MTUS2: variants seen among roughly 807,000 people sequenced by gnomAD.
MTUS2 encodes microtubule associated scaffold protein 2, also known as microtubule-associated tumor suppressor candidate 2.
A neutral mutation model predicts 114.1 loss-of-function variants in MTUS2; 40 were observed. The ratio of observed to expected loss-of-function variants is 0.35; its 90% confidence interval spans 0.27 to 0.46. The LOEUF is 0.46. MTUS2 is among the 20% of genes least tolerant of loss of function. The pLI, the probability that MTUS2 is intolerant of heterozygous loss-of-function variation, is 1.00. For missense variants in MTUS2, 1,679 were observed against 1,705.4 expected (o/e 0.98, Z 0.27); for synonymous variants, 688 against 672.0 (o/e 1.02, Z -0.37).
chr13:29,464,191 T>C (rs554822866), intron 9 of MTUS2, among the ~76,000 whole-genome samples: 1 of 152,142 alleles, frequency 6.6e-6, no homozygotes, highest in East Asian at 1.9e-4. Context: ...AGAGGACGGC[T>C]GTGAGCAGGT....
chr13:28,938,568 T>C (rs1471464907), intron 2 of MTUS2, among the ~76,000 whole-genome samples: 4 of 152,102 alleles, frequency 2.6e-5, no homozygotes, highest in Non-Finnish European at 1.5e-5. Flanking sequence ...AGGAAACATT[T>C]TATATTAAAA....
intron 4 of MTUS2, among the ~76,000 whole-genome samples, chr13:29,086,571 T>A (rs1232355416): frequency 6.6e-6 from 1 of 152,230 alleles, no homozygotes; most frequent in African/African-American, 2.4e-5. Flanking sequence ...CCTCCAGCTT[T>A]GTTCTTTTTG....
chr13:28,928,041 A>G (rs944191634), intron 2 of MTUS2, among the ~76,000 whole-genome samples: 13 of 152,224 alleles, frequency 8.5e-5, no homozygotes, highest in African/African-American at 2.7e-4. Flanking sequence ...AAAACTAGAT[A>G]TCCATACGCA....
Position 29,433,109 on chromosome 13 carries a change from T to C in MTUS2, c.3118-6874T>C, listed in dbSNP as rs116278409. On this transcript the variant is annotated intron_variant, in intron 8 of 15. Coordinates refer to ENST00000612955, the MANE Select transcript of MTUS2 (RefSeq NM_001033602.4). ...TTCTTTGGATCAGCATTTCTTCTCC[T>C]TGGCCCCATTAATCTCTGTCCTTTG... 7.8e-3 allele frequency among the ~76,000 whole-genome samples: 1,187 copies of C among 152,330 alleles called. 14 individuals carry two copies. Among genetic ancestry groups the C allele is most frequent in the African/African-American group, 0.027 (1,135 of 41,578 alleles).
chr13:29,469,499 C>T (rs141016539), intron 9 of MTUS2, among the ~76,000 whole-genome samples: 24 of 151,978 alleles, frequency 1.6e-4, no homozygotes, highest in African/African-American at 4.6e-4. Context: ...TGGTGGTGGG[C>T]GCCTGTAGTC....
chr13:29,033,748 G>A (rs561270110), intron 3 of MTUS2, 137 bp from the exon 4 acceptor site: 1 of 988,308 alleles, frequency 1.0e-6, no homozygotes, highest in East Asian at 2.6e-5. Context: ...TGTGGCCCGG[G>A]GAAGGTAGGG....
intron 8 of MTUS2, among the ~76,000 whole-genome samples, chr13:29,390,178 T>G (rs9314954): frequency 0.8 from 105,415 of 131,452 alleles, 43,469 homozygotes; most frequent in Non-Finnish European, 0.9. Context: ...GTGTGTGTGT[T>G]TATGAATATA....
intron 5 of MTUS2, among the ~76,000 whole-genome samples, chr13:29,235,289 C>G (rs1234298465): frequency 2.6e-5 from 4 of 152,092 alleles, no homozygotes; most frequent in Non-Finnish European, 4.4e-5. Context: ...GATGGGGTTT[C>G]TCCATGTTGG....
At chr13:29,184,150 T>G (rs941641530) in intron 5 of MTUS2, among the ~76,000 whole-genome samples, 6 of 151,962 alleles carry the variant, frequency 3.9e-5, no homozygotes, top group East Asian at 1.9e-4. Context: ...TTGTTTGCTG[T>G]TTTTTTTCGG....
intron 8 of MTUS2, among the ~76,000 whole-genome samples, chr13:29,415,501 G>A (rs1035395974): frequency 1.2e-4 from 19 of 152,104 alleles, no homozygotes; most frequent in Non-Finnish European, 1.9e-4. Flanking sequence ...ATCCTTATTC[G>A]TTGGATATCA....
chr13:29,070,711 C>G (rs905374704), intron 4 of MTUS2, among the ~76,000 whole-genome samples: 6 of 149,934 alleles, frequency 4.0e-5, no homozygotes, highest in African/African-American at 1.5e-4. Flanking sequence ...AAACTTGTCT[C>G]TCCCTTCAGC....
chr13:29,244,553 G>A (rs1593214748), intron 5 of MTUS2, among the ~76,000 whole-genome samples: 1 of 152,176 alleles, frequency 6.6e-6, no homozygotes, highest in South Asian at 2.1e-4. Flanking sequence ...GAACACACTG[G>A]CAGGATGGGA....
intron 9 of MTUS2, among the ~76,000 whole-genome samples, chr13:29,452,447 A>C (rs748965807): frequency 6.6e-6 from 1 of 152,142 alleles, no homozygotes; most frequent in South Asian, 2.1e-4. Context: ...TTGCTCTGTC[A>C]CCTAGGCTGG....
At chr13:29,016,071 A>G (rs1253033691) in intron 2 of MTUS2, among the ~76,000 whole-genome samples, 2 of 151,870 alleles carry the variant, frequency 1.3e-5, no homozygotes, top group African/African-American at 4.8e-5. Flanking sequence ...CACCCAGCTA[A>G]TTTTTGTATT....
At chr13:29,443,045 C>G (rs1251488848) in intron 9 of MTUS2, among the ~76,000 whole-genome samples, 1 of 152,094 alleles carries the variant, frequency 6.6e-6, no homozygotes, top group African/African-American at 2.4e-5. Context: ...AGATGAGTTT[C>G]TAGGGGGTTC....
chr13:29,248,979 C>G (rs958656190), intron 5 of MTUS2, among the ~76,000 whole-genome samples: 2 of 151,914 alleles, frequency 1.3e-5, no homozygotes, highest in Admixed American at 1.3e-4. Flanking sequence ...TTCTTTCGTT[C>G]GTTTGTTCGT....
intron 7 of MTUS2, among the ~76,000 whole-genome samples, chr13:29,343,226 A>T (rs1383276742): frequency 1.3e-5 from 2 of 151,902 alleles, no homozygotes; most frequent in African/African-American, 4.8e-5. Flanking sequence ...TGTCAATAGG[A>T]TTGGTACCAG....
rs1352748058 is a variant in MTUS2 at position 29,278,960 on chromosome 13, C to T, written c.2645-2744C>T. Among the ~76,000 whole-genome samples the T allele has an allele frequency of 2.0e-5, 3 of 152,098 alleles. No individual in the cohort carries two copies. The East Asian group carries it at 5.8e-4, about 29-fold the overall frequency. On this transcript the variant is annotated intron_variant, in intron 5 of 15. Coordinates refer to ENST00000612955, the MANE Select transcript of MTUS2 (RefSeq NM_001033602.4). ...CTTGAATACTTTCCAAATGGTTTTC[C>T]CATGAAAAACTGACTTGTTGTAATA...
intron 8 of MTUS2, among the ~76,000 whole-genome samples, chr13:29,430,824 A>G (rs1876939880): frequency 6.6e-6 from 1 of 152,170 alleles, no homozygotes; most frequent in Non-Finnish European, 1.5e-5. Flanking sequence ...CCAACTTCAA[A>G]CTCTAGAAAT....
Sources: allele counts gnomAD v4.1 joint callset (sites outside exome capture counted in the v4.1 genomes callset), GRCh38; gene constraint gnomAD v4.1.1; transcripts MANE v1.5; gene names NCBI Gene and HGNC (gene_info 2026-07-23, HGNC 2026-07-21).